The following RYR1 variants were observed in gnomAD, a reference collection of about 807,000 sequenced individuals.
The protein encoded by RYR1 is central core disease of muscle.
In RYR1, 342 loss-of-function variants were observed where a neutral mutation model predicts 583.5. That is an observed-to-expected ratio of 0.59 (90% CI 0.54 to 0.64). RYR1 has a LOEUF of 0.64. RYR1 is among the 30% of genes least tolerant of loss of function. RYR1 has a pLI of 0.00. For missense variants in RYR1, 6,032 were observed against 6,917.2 expected (o/e 0.87, Z 4.54); for synonymous variants, 2,791 against 2,822.5 (o/e 0.99, Z 0.35).
rs892053 is a variant in RYR1, at chr19:38,441,746, A to T, written c.166-603A>T. ...GGGATGTGGAATCTGATGGGGGGGA[A>T]GTTTCAGAGTCTGAGCGAGTGGGGT... On this transcript the variant is annotated intron_variant, in intron 2 of 105. Transcript: ENST00000359596. Among the ~76,000 whole-genome samples the T allele has an allele frequency of 2.0e-5, 3 of 148,468 alleles. No individual in the cohort carries two copies. The East Asian group carries it at 6.2e-4, about 31-fold the overall frequency.
At chr19:38,435,059 A>G (rs1972366226) in intron 1 of RYR1, among the ~76,000 whole-genome samples, 1 of 152,216 alleles carries the variant, frequency 6.6e-6, no homozygotes, top group Non-Finnish European at 1.5e-5. Context: ...CCCAGCCCTA[A>G]TAAGACCATG....
Position 38,573,210 on chromosome 19 carries a change from C to T in RYR1, c.14032C>T (p.Leu4678=), listed in dbSNP as rs1301646256. 2.5e-6 allele frequency: 4 copies of T among 1,613,874 alleles called. No homozygotes were observed. The highest frequency in any genetic ancestry group is 3.3e-5 in the Admixed American group (2 of 59,982). The change falls in exon 96 of 106, where the codon CTG becomes TTG. Residue 4678 remains leucine (L), a synonymous_variant. Coordinates refer to ENST00000359596, the MANE Select transcript of RYR1 (RefSeq NM_000540.3). ...PLVIFKREKE[L]ARKLEFDGLY... Reference sequence around the variant, plus strand: ...GGTAATCTTTAAGCGGGAGAAGGAGCTGGCCCGGAAGCTGGAGTTTGATGG... The same window carrying T: ...GGTAATCTTTAAGCGGGAGAAGGAGTTGGCCCGGAAGCTGGAGTTTGATGG...
chr19:38,506,058 TG>T, intron 54 of RYR1, 112 bp downstream of exon 54: 1 of 1,416,948 alleles, frequency 7.1e-7, no homozygotes. Flanking sequence ...GGGAGGTAGG[TG>T]GGGCAAGAGG....
In RYR1 at chr19:38,446,455, C is replaced by T; in HGVS notation, c.632-17C>T. On this transcript the variant is annotated splice_polypyrimidine_tract_variant and intron_variant, in intron 7 of 105. Transcript: ENST00000359596. ...GCTCCAGCCTCCCATTGACCAACTT[C>T]CCTTGCTCCTCTCCAGGCTTCGTGA... 6.2e-7 allele frequency: 1 copy of T among 1,604,030 alleles called. No homozygotes were observed. The highest frequency in any genetic ancestry group is 8.5e-7 in the Non-Finnish European group (1 of 1,170,726).
At chr19:38,442,205 G>C in intron 2 of RYR1, 144 bp from the exon 3 acceptor site, 1 of 674,964 alleles carries the variant, frequency 1.5e-6, no homozygotes. Context: ...GGATGGCAGA[G>C]GGCAGGGCCT....
chr19:38,475,236 C>T (rs2074932044), intron 28 of RYR1, 82 bp from the exon 29 acceptor site: 2 of 1,536,374 alleles, frequency 1.3e-6, no homozygotes, highest in Non-Finnish European at 1.8e-6. Flanking sequence ...TGTATCCAAG[C>T]TGGATGTGGG....
chr19:38,452,743 G>T, intron 12 of RYR1, 76 bp from the exon 13 acceptor site: 4 of 1,365,554 alleles, frequency 2.9e-6, no homozygotes, highest in Non-Finnish European at 4.0e-6. Context: ...GGAGTCTTGC[G>T]GGAGTGAGGT....
chr19:38,574,890 A>C (rs1973886070), intron 96 of RYR1, among the ~76,000 whole-genome samples: 1 of 151,878 alleles, frequency 6.6e-6, no homozygotes, highest in Non-Finnish European at 1.5e-5. Flanking sequence ...ATACAAAAAA[A>C]TTAGCTGGGC....
intron 52 of RYR1, 42 bp from the exon 53 acceptor site, chr19:38,505,267 A>C (rs1184253511): frequency 1.4e-6 from 2 of 1,438,228 alleles, no homozygotes; most frequent in South Asian, 2.3e-5. Context: ...GTGTGTCCCC[A>C]ACTGCTGCCT....
intron 94 of RYR1, among the ~76,000 whole-genome samples, chr19:38,571,227 T>C (rs560643985): frequency 6.6e-6 from 1 of 152,042 alleles, no homozygotes; most frequent in South Asian, 2.1e-4. Flanking sequence ...GACCCAGAAG[T>C]CCCACAGTGG....
At chr19:38,448,965 C>A in intron 11 of RYR1, 152 bp downstream of exon 11, 1 of 740,516 alleles carries the variant, frequency 1.4e-6, no homozygotes, top group Non-Finnish European at 2.3e-6. Context: ...AGGGGTGGTG[C>A]TTGAGACCTT....
chr19:38,564,916 C>T (rs1270873852), intron 90 of RYR1, 43 bp from the exon 91 acceptor site: 2 of 1,548,404 alleles, frequency 1.3e-6, no homozygotes, highest in African/African-American at 1.4e-5. Flanking sequence ...TGTCCGAGCC[C>T]CCGCTGACGG....
At position 38,448,351 on chromosome 19, in the gene RYR1, A is replaced by G; in HGVS notation, c.801-4A>G. 1 of 1,607,278 alleles carries G rather than the reference A, an allele frequency of 6.2e-7. No homozygotes were observed. ...TGACTCCCCTTGGCTCTCACCCTCCACAGCTGGAGTGGGAGCCACCTGCGC... is the reference window on the plus strand; with the variant it reads ...TGACTCCCCTTGGCTCTCACCCTCCGCAGCTGGAGTGGGAGCCACCTGCGC... On this transcript the variant is annotated splice_region_variant and splice_polypyrimidine_tract_variant and intron_variant, in intron 9 of 105. Transcript: ENST00000359596.
intron 12 of RYR1, among the ~76,000 whole-genome samples, chr19:38,452,126 C>CAAAAAA (rs66571762): frequency 4.4e-5 from 3 of 68,858 alleles, no homozygotes; most frequent in Admixed American, 2.0e-4. Flanking sequence ...CCGCCTCTAC[C>CAAAAAA]AAAAAAAAAA....
chr19:38,582,666 T>C (rs2145904697), intron 101 of RYR1, among the ~76,000 whole-genome samples: 1 of 152,026 alleles, frequency 6.6e-6, no homozygotes, highest in African/African-American at 2.4e-5. Context: ...TAAAAAAAAG[T>C]TTCACCCAAG....
At chr19:38,441,569 G>A (rs1278361559) in intron 2 of RYR1, among the ~76,000 whole-genome samples, 1 of 151,594 alleles carries the variant, frequency 6.6e-6, no homozygotes, top group Non-Finnish European at 1.5e-5. Flanking sequence ...GGGGATCGAG[G>A]GGCCGAGGGC....
In RYR1 at chr19:38,532,745, G is replaced by A. The variant is rs766539819; in HGVS notation, c.11259+9G>A. 2 of 1,613,756 alleles carry A rather than the reference G, an allele frequency of 1.2e-6. No individual in the cohort carries two copies. Among genetic ancestry groups the A allele is most frequent in the South Asian group, 2.2e-5 (2 of 91,076 alleles). ...TTGAGGTCTCCTTTGAGGTAGGTGG[G>A]CTCAGGAGGTCCTGGAGGGAAGGGA... is the stretch of plus-strand genomic sequence containing the variant. On this transcript the variant is annotated intron_variant, in intron 78 of 105. Coordinates refer to ENST00000359596, the MANE Select transcript of RYR1 (RefSeq NM_000540.3).
In RYR1 at chr19:38,515,119, G is replaced by T. The variant is rs747999660; in HGVS notation, c.9554+12G>T. 3.8e-6 allele frequency: 6 copies of T among 1,580,254 alleles called. No individual in the cohort carries two copies. The African/African-American group carries it at 8.1e-5, about 21-fold the overall frequency. On this transcript the variant is annotated intron_variant, in intron 64 of 105. Coordinates refer to ENST00000359596, the MANE Select transcript of RYR1 (RefSeq NM_000540.3). ...ACTTATGTGGAAAAGTAAGGAGAGG[G>T]AGCCATCGTTTGGGGCTGGGTGGGG...
chr19:38,433,856 G>C lies in RYR1; in HGVS notation c.27G>C (p.Glu9Asp). The C allele has an allele frequency of 6.2e-7, 1 of 1,613,344 alleles. No homozygotes were observed. Among genetic ancestry groups the C allele is most frequent in the Non-Finnish European group, 8.5e-7 (1 of 1,179,714 alleles). Residue 9 changes from glutamate (E) to aspartate (D), a missense_variant, in exon 1 of 106, where the codon GAG (glutamate) becomes GAC (aspartate). By Grantham distance (45) the Glu-to-Asp change is conservative. Coordinates refer to ENST00000359596, the MANE Select transcript of RYR1 (RefSeq NM_000540.3). Reference protein sequence around the residue: MGDAEGEDEVQFLRTDDEV... With the variant: MGDAEGEDDVQFLRTDDEV... ...TGGGTGACGCAGAAGGCGAAGACGAGGTCCAGTTCCTGCGGACGGTGCGTA... is the reference window on the plus strand; with the variant it reads ...TGGGTGACGCAGAAGGCGAAGACGACGTCCAGTTCCTGCGGACGGTGCGTA...
Sources: allele counts gnomAD v4.1 joint callset (sites outside exome capture counted in the v4.1 genomes callset), GRCh38; gene constraint gnomAD v4.1.1; transcripts MANE v1.5; gene names NCBI Gene and HGNC (gene_info 2026-07-23, HGNC 2026-07-21).